Variants in SDK2 observed in about 807,000 individuals in gnomAD.
SDK2 encodes sidekick cell adhesion molecule 2.
Under a neutral mutation model 253.9 loss-of-function variants are expected in SDK2, and 105 were observed. The ratio of observed to expected loss-of-function variants is 0.41; its 90% CI spans 0.35 to 0.49. The LOEUF is 0.49. Among genes scored for constraint, SDK2 ranks in the 20% least tolerant of loss-of-function variants. The probability of loss-of-function intolerance (pLI) is 0.06; values close to 1 mark genes in which losing one functional copy is unlikely to be tolerated. For synonymous variants in SDK2, 1,249 were observed against 1,234.9 expected (o/e 1.01, Z -0.24); for missense variants, 2,608 against 3,003.0 (o/e 0.87, Z 3.07).
intron 37 of SDK2, among the ~76,000 whole-genome samples, chr17:73,367,468 G>A (rs1489779360): frequency 6.6e-6 from 1 of 150,686 alleles, no homozygotes; most frequent in Non-Finnish European, 1.5e-5. Flanking sequence ...AGCACCCTCT[G>A]CCACCTCCTG....
At chr17:73,353,892 A>G (rs2062562179) in intron 40 of SDK2, among the ~76,000 whole-genome samples, 2 of 151,458 alleles carry the variant, frequency 1.3e-5, no homozygotes, top group African/African-American at 4.9e-5. Flanking sequence ...TTTAGTAGAG[A>G]CAGGGTTTCA....
At chr17:73,353,490 G>A (rs1011943263) in intron 40 of SDK2, among the ~76,000 whole-genome samples, 1 of 151,818 alleles carries the variant, frequency 6.6e-6, no homozygotes, top group Admixed American at 6.6e-5. Context: ...GCAGGATCTC[G>A]GCTCACAGCA....
rs1478177251 is a variant in SDK2 at position 73,395,864 on chromosome 17, C to G, written c.3355-472G>C. On this transcript the variant is annotated intron_variant, in intron 24 of 44. Transcript: ENST00000392650. This position sits in a 1 kb window ranked among gnomAD's most constrained non-coding sequence, Gnocchi z 4.3. The stretch of plus-strand genomic sequence containing the variant: ...GTGGGGCACCTGCCAGTCAGGAAGT[C>G]CTTCTGTCCAGCAAACCTCAGCCTC... 6.6e-6 allele frequency among the ~76,000 whole-genome samples: 1 copy of G among 152,130 alleles called. No individual in the cohort carries two copies. Among genetic ancestry groups the G allele is most frequent in the Non-Finnish European group, 1.5e-5 (1 of 68,018 alleles).
chr17:73,570,396 T>C lies in SDK2; in HGVS notation c.65-62799A>G, dbSNP rs1020902000. On this transcript the variant is annotated intron_variant, in intron 1 of 44. Transcript: ENST00000392650. The surrounding 1 kb of genome is among the most constrained non-coding windows in gnomAD (Gnocchi z 4.2). Reference sequence around the variant, plus strand: ...GCTCAATAAAGAGCCTCCAGGTGCATGTGAGGGTGGGTGAGGTGGCTCCCA... The same window carrying C: ...GCTCAATAAAGAGCCTCCAGGTGCACGTGAGGGTGGGTGAGGTGGCTCCCA... Among the ~76,000 whole-genome samples the C allele has an allele frequency of 2.6e-5, 4 of 152,148 alleles. No individual in the cohort carries two copies. Among genetic ancestry groups the C allele is most frequent in the South Asian group, 2.1e-4 (1 of 4,828 alleles).
At chr17:73,414,599 G>T in intron 18 of SDK2, 45 bp downstream of exon 18, 1 of 1,480,698 alleles carries the variant, frequency 6.8e-7, no homozygotes, top group Non-Finnish European at 9.4e-7. Context: ...ACCCCCTCCA[G>T]AAGATCTTAG....
In SDK2 at chr17:73,379,329, T is replaced by C; in HGVS notation, c.4865-37A>G. 2.1e-6 allele frequency: 2 copies of C among 966,506 alleles called. No individual in the cohort carries two copies. The highest frequency in any genetic ancestry group is 3.1e-6 in the Non-Finnish European group (2 of 653,722). The allele number at this position is 966,506 out of a possible 1,614,324, so 59.9% of individuals were successfully genotyped here. On this transcript the variant is annotated intron_variant, in intron 35 of 44. Coordinates refer to ENST00000392650, the MANE Select transcript of SDK2 (RefSeq NM_001144952.2). This position sits in a 1 kb window ranked among gnomAD's most constrained non-coding sequence, Gnocchi z 4.5. Reference sequence around the variant, plus strand: ...GCAGGGTAGGCAGTGAGCATGCGAGTAAACCTGGGAGGGGAGGTGGGCTGG... The same window carrying C: ...GCAGGGTAGGCAGTGAGCATGCGAGCAAACCTGGGAGGGGAGGTGGGCTGG...
intron 1 of SDK2, among the ~76,000 whole-genome samples, chr17:73,601,521 G>A (rs946010672): frequency 6.6e-6 from 1 of 152,126 alleles, no homozygotes; most frequent in Non-Finnish European, 1.5e-5. Context: ...ACAGGTACAC[G>A]CACAGAGAAA....
intron 1 of SDK2, among the ~76,000 whole-genome samples, chr17:73,530,029 GA>G (rs1345483476): frequency 6.6e-6 from 1 of 152,162 alleles, no homozygotes; most frequent in East Asian, 1.9e-4. Context: ...AAGGTGGAAG[GA>G]AGGGGGCAAA....
chr17:73,433,796 G>A lies in SDK2; in HGVS notation c.1248C>T (p.Gly416=), dbSNP rs2063345936. The change falls in exon 10 of 45, where the codon GGC becomes GGT. Residue 416 remains glycine (G), a synonymous_variant. Coordinates refer to ENST00000392650, the MANE Select transcript of SDK2 (RefSeq NM_001144952.2). The part of the protein sequence containing the change: ...RGPLDSTVID[G]MSVVLACETS... The stretch of plus-strand genomic sequence containing the variant: ...TCTCACATGCTAGCACCACTGACAT[G>A]CCATCGATCACCGTGCTGTCCAGGG... 1 of 1,604,536 alleles carries A rather than the reference G, an allele frequency of 6.2e-7. No homozygotes were observed. The highest frequency in any genetic ancestry group is 2.2e-5 in the East Asian group (1 of 44,684).
chr17:73,364,170 A>G (rs1378671559), intron 38 of SDK2, among the ~76,000 whole-genome samples: 1 of 151,982 alleles, frequency 6.6e-6, no homozygotes, highest in Non-Finnish European at 1.5e-5. Flanking sequence ...CCTAAATCCC[A>G]TCCTCATAGG....
At chr17:73,357,556 G>A (rs950427225) in intron 40 of SDK2, 4 of 236,942 alleles carry the variant, frequency 1.7e-5, no homozygotes, top group African/African-American at 4.8e-5. Flanking sequence ...GGGTGAAACC[G>A]GAGCAGTGGG....
chr17:73,498,726 G>A (rs952613977), intron 2 of SDK2, among the ~76,000 whole-genome samples: 2 of 152,198 alleles, frequency 1.3e-5, no homozygotes, highest in Non-Finnish European at 2.9e-5. Flanking sequence ...AGTAAAAGTC[G>A]CAGTGTGGGG....
chr17:73,381,132 G>A (rs1214954548), intron 33 of SDK2, among the ~76,000 whole-genome samples, 182 bp from the exon 34 acceptor site: 2 of 152,200 alleles, frequency 1.3e-5, no homozygotes, highest in Non-Finnish European at 2.9e-5. Flanking sequence ...CAGGGTTGTG[G>A]GGGCAGGGGA....
rs1455541662 is a variant in SDK2 at position 73,435,658 on chromosome 17, G to A, written c.1001-14C>T. ...GCGGCGGCACACCTGTGGGCAAGAC[G>A]TGGGCCCACCGTCAACCTGCCTCCT... On this transcript the variant is annotated splice_polypyrimidine_tract_variant and intron_variant, in intron 8 of 44. Coordinates refer to ENST00000392650, the MANE Select transcript of SDK2 (RefSeq NM_001144952.2). The surrounding 1 kb of genome is among the most constrained non-coding windows in gnomAD (Gnocchi z 5.7). 8 of 1,535,604 alleles carry A rather than the reference G, an allele frequency of 5.2e-6. No individual in the cohort carries two copies. The highest frequency in any genetic ancestry group is 3.6e-5 in the South Asian group (3 of 82,986).
At chr17:73,631,332 A>C (rs762789413) in intron 1 of SDK2, among the ~76,000 whole-genome samples, 184 of 152,312 alleles carry the variant, frequency 1.2e-3, no homozygotes, top group Non-Finnish European at 2.2e-3. Flanking sequence ...GGGGAAGTCA[A>C]GGGTCACCAG....
At chr17:73,418,010 GTT>G (rs397689294) in intron 16 of SDK2, among the ~76,000 whole-genome samples, 3 of 128,246 alleles carry the variant, frequency 2.3e-5, no homozygotes, top group Non-Finnish European at 1.6e-5. Flanking sequence ...TCCTAGATGA[GTT>G]TTTTTTTTTT....
At chr17:73,480,413 T>G (rs1278717712) in intron 2 of SDK2, among the ~76,000 whole-genome samples, 1 of 152,190 alleles carries the variant, frequency 6.6e-6, no homozygotes, top group East Asian at 1.9e-4. Context: ...TGCTGAGTGC[T>G]GGCCAGTCTA....
At chr17:73,346,294 C>CTTT (rs2062484262) in intron 44 of SDK2, among the ~76,000 whole-genome samples, 1 of 152,024 alleles carries the variant, frequency 6.6e-6, no homozygotes, top group Non-Finnish European at 1.5e-5. Flanking sequence ...TTTCAACGCA[C>CTTT]TTGAAGAGGC....
chr17:73,433,063 A>G (rs1278886633), intron 10 of SDK2, among the ~76,000 whole-genome samples: 1 of 151,996 alleles, frequency 6.6e-6, no homozygotes, highest in Admixed American at 6.6e-5. Flanking sequence ...ATCATCAAGC[A>G]CCTATCGTTT....
Sources: gnomAD v4.1 joint callset for allele counts (sites outside exome capture counted in the v4.1 genomes callset) on GRCh38, gnomAD v4.1.1 for gene constraint, Gnocchi (gnomAD v3.1) non-coding constraint, MANE v1.5 for transcripts, NCBI Gene and HGNC (gene_info 2026-07-23, HGNC 2026-07-21) for gene names.